Variants in AGBL1 observed in about 807,000 individuals in gnomAD.
AGBL1 encodes AGBL carboxypeptidase 1.
In AGBL1, 130 loss-of-function variants were observed where a neutral mutation model predicts 118.9. The observed-to-expected ratio is 1.09, with a 90% CI of 0.95 to 1.26. The LOEUF (loss-of-function observed/expected upper bound fraction) is 1.26, where lower values mean the gene tolerates loss of function less well. AGBL1 is among the 50% of genes most tolerant of loss of function. The pLI is 0.00. For missense variants in AGBL1, 1,584 were observed against 1,298.1 expected (o/e 1.22, Z -3.38); for synonymous variants, 555 against 478.9 (o/e 1.16, Z -2.08).
intron 21 of AGBL1, among the ~76,000 whole-genome samples, chr15:86,557,559 C>T (rs1242970687): frequency 6.6e-6 from 1 of 152,156 alleles, no homozygotes; most frequent in East Asian, 1.9e-4. Flanking sequence ...AAATTCTCTA[C>T]CTGCGAGCTG....
At chr15:86,191,493 C>T (rs2077721119) in intron 5 of AGBL1, among the ~76,000 whole-genome samples, 1 of 151,650 alleles carries the variant, frequency 6.6e-6, no homozygotes, top group African/African-American at 2.4e-5. Flanking sequence ...TAATGATAGC[C>T]CTGAATGTAG....
At chr15:86,263,508 G>T (rs931503227) in intron 10 of AGBL1, among the ~76,000 whole-genome samples, 2 of 152,216 alleles carry the variant, frequency 1.3e-5, no homozygotes, top group South Asian at 2.1e-4. Context: ...TGTCTGGTGG[G>T]CAGGGTGCCC....
chr15:86,608,639 G>C (rs559533820), intron 21 of AGBL1, among the ~76,000 whole-genome samples: 1 of 152,108 alleles, frequency 6.6e-6, no homozygotes, highest in Non-Finnish European at 1.5e-5. Context: ...TTCACCAGCA[G>C]AGACCTGGCA....
intron 18 of AGBL1, among the ~76,000 whole-genome samples, chr15:86,430,355 C>T (rs967672849): frequency 5.3e-5 from 8 of 151,832 alleles, no homozygotes; most frequent in African/African-American, 9.7e-5. Context: ...ATTAGCTGGT[C>T]GCGGTGATAG....
At chr15:86,939,345 T>C (rs924059678) in intron 23 of AGBL1, among the ~76,000 whole-genome samples, 5 of 152,234 alleles carry the variant, frequency 3.3e-5, no homozygotes, top group African/African-American at 7.2e-5. Flanking sequence ...CTGTGCTGCA[T>C]GCTTCCTGCC....
chr15:86,100,984 C>CT (rs1243874673), intron 1 of AGBL1, among the ~76,000 whole-genome samples: 2 of 151,872 alleles, frequency 1.3e-5, no homozygotes, highest in Non-Finnish European at 2.9e-5. Context: ...AGTTTTTCTG[C>CT]TTTTTTGATG....
At chr15:86,230,530 G>A (rs2078439146) in intron 6 of AGBL1, among the ~76,000 whole-genome samples, 1 of 152,154 alleles carries the variant, frequency 6.6e-6, no homozygotes, top group Non-Finnish European at 1.5e-5. Flanking sequence ...CCTGTGGTCT[G>A]CCCTCCTGGC....
intron 18 of AGBL1, among the ~76,000 whole-genome samples, chr15:86,435,458 A>T (rs570469202): frequency 1.8e-4 from 27 of 152,314 alleles, no homozygotes; most frequent in African/African-American, 6.5e-4. Context: ...GTAAATTTAC[A>T]TTTTTGAAGA....
chr15:86,611,117 G>T (rs995876247), intron 21 of AGBL1, among the ~76,000 whole-genome samples: 7 of 152,032 alleles, frequency 4.6e-5, no homozygotes, highest in African/African-American at 1.4e-4. Context: ...ATCTGCTCTT[G>T]GTAGCTTGCA....
intron 22 of AGBL1, among the ~76,000 whole-genome samples, chr15:86,876,566 G>C (rs1296507037): frequency 2.0e-5 from 3 of 152,220 alleles, no homozygotes; most frequent in Non-Finnish European, 4.4e-5. Context: ...TGGCTGACCA[G>C]CCTGATTATG....
intron 18 of AGBL1, among the ~76,000 whole-genome samples, chr15:86,425,377 C>T (rs1234403022): frequency 7.3e-5 from 11 of 150,278 alleles, no homozygotes; most frequent in African/African-American, 2.7e-4. Context: ...TATCACACAC[C>T]AAGGCCTGTT....
Position 86,867,845 on chromosome 15 carries a change from T to G in AGBL1, c.3159-39242T>G, listed in dbSNP as rs114063842. On this transcript the variant is annotated intron_variant, in intron 22 of 22. Transcript: ENST00000614907. The stretch of plus-strand genomic sequence containing the variant: ...TAAAGATCTGAGGTACTAATTTGTC[T>G]CCTTAAATGCAAATTTCTAAGTTTA... Among the ~76,000 whole-genome samples, 511 of 152,300 alleles carry G rather than the reference T, an allele frequency of 3.4e-3. 4 individuals are homozygous for G. Among genetic ancestry groups the G allele is most frequent in the African/African-American group, 0.012 (485 of 41,566 alleles).
intron 7 of AGBL1, among the ~76,000 whole-genome samples, chr15:86,254,290 A>G (rs968386742): frequency 6.6e-6 from 1 of 152,202 alleles, no homozygotes; most frequent in Non-Finnish European, 1.5e-5. Context: ...TAATTCACAC[A>G]CAACATTAGG....
chr15:86,504,597 G>C (rs2082953346), intron 18 of AGBL1, among the ~76,000 whole-genome samples: 1 of 150,874 alleles, frequency 6.6e-6, no homozygotes, highest in Non-Finnish European at 1.5e-5. Context: ...AACTGCCTTG[G>C]GGATTTATAA....
intron 17 of AGBL1, among the ~76,000 whole-genome samples, chr15:86,305,531 C>CCAA (rs2079825323): frequency 6.6e-6 from 1 of 152,078 alleles, no homozygotes; most frequent in Admixed American, 6.5e-5. Context: ...TTTTCTGCCT[C>CCAA]CAACTATTTT....
intron 21 of AGBL1, among the ~76,000 whole-genome samples, chr15:86,565,835 T>C (rs1048923740): frequency 6.6e-6 from 1 of 152,188 alleles, no homozygotes; most frequent in Non-Finnish European, 1.5e-5. Flanking sequence ...CAATGGTGGG[T>C]GCCCCTCCCC....
intron 22 of AGBL1, among the ~76,000 whole-genome samples, chr15:86,761,453 C>A (rs548763021): frequency 1.3e-5 from 2 of 151,882 alleles, no homozygotes; most frequent in Non-Finnish European, 2.9e-5. Flanking sequence ...ATGAAAAATG[C>A]GGGAATACAA....
intron 13 of AGBL1, among the ~76,000 whole-genome samples, chr15:86,268,811 C>T (rs960221105): frequency 7.2e-5 from 11 of 152,128 alleles, no homozygotes; most frequent in Admixed American, 2.6e-4. Flanking sequence ...ACTCTGCTCT[C>T]ATCTGTCTTA....
At chr15:86,392,458 C>T (rs1441815028) in intron 17 of AGBL1, among the ~76,000 whole-genome samples, 1 of 152,120 alleles carries the variant, frequency 6.6e-6, no homozygotes, top group East Asian at 1.9e-4. Context: ...ATCTGTGTGC[C>T]TTTCTTTCCT....
Sources: allele counts gnomAD v4.1 joint callset (sites outside exome capture counted in the v4.1 genomes callset), GRCh38; gene constraint gnomAD v4.1.1; transcripts MANE v1.5; gene names NCBI Gene and HGNC (gene_info 2026-07-23, HGNC 2026-07-21).